The following COL21A1 variants were observed in gnomAD, a reference collection of about 807,000 sequenced individuals.
The protein encoded by COL21A1 is collagen type XXI alpha 1 chain, also known as collagen alpha-1(XXI) chain.
A neutral mutation model predicts 137.9 loss-of-function variants in COL21A1; 149 were observed. The observed-to-expected ratio is 1.08, with a 90% CI of 0.95 to 1.24. COL21A1 has a LOEUF of 1.24. COL21A1 is among the 50% of genes most tolerant of loss of function. The pLI is 0.00. For synonymous variants in COL21A1, 456 were observed against 391.5 expected (o/e 1.16, Z -1.95); for missense variants, 1,167 against 1,158.4 (o/e 1.01, Z -0.11).
chr6:56,116,737 T>C (rs1771967656), intron 16 of COL21A1, among the ~76,000 whole-genome samples: 1 of 151,854 alleles, frequency 6.6e-6, no homozygotes. Flanking sequence ...AAATAATAAC[T>C]ATAACAACTT....
At chr6:56,280,435 G>A (rs905191537) in intron 1 of COL21A1, among the ~76,000 whole-genome samples, 1 of 152,058 alleles carries the variant, frequency 6.6e-6, no homozygotes, top group African/African-American at 2.4e-5. Context: ...ATCACTCATG[G>A]AGCCTCCACT....
At chr6:56,341,789 G>C (rs897847757) in intron 1 of COL21A1, among the ~76,000 whole-genome samples, 2 of 152,194 alleles carry the variant, frequency 1.3e-5, no homozygotes, top group African/African-American at 4.8e-5. Context: ...GGTGCAGGCA[G>C]TTGATAGTGA....
At chr6:56,377,783 C>A (rs1049494882) in intron 1 of COL21A1, among the ~76,000 whole-genome samples, 5 of 149,114 alleles carry the variant, frequency 3.4e-5, no homozygotes, top group Non-Finnish European at 1.5e-5. Flanking sequence ...TAATTCCAGG[C>A]TGCACAGTTT....
At chr6:56,341,704 G>C (rs1455730180) in intron 1 of COL21A1, among the ~76,000 whole-genome samples, 3 of 152,162 alleles carry the variant, frequency 2.0e-5, no homozygotes, top group Non-Finnish European at 4.4e-5. Context: ...GCAACACCAA[G>C]AGTGAACCCC....
At chr6:56,321,622 C>T (rs992313213) in intron 1 of COL21A1, among the ~76,000 whole-genome samples, 2 of 152,154 alleles carry the variant, frequency 1.3e-5, no homozygotes, top group African/African-American at 4.8e-5. Flanking sequence ...ATGGAAACAA[C>T]TCACCACATC....
At chr6:56,324,436 A>C (rs893017660) in intron 1 of COL21A1, among the ~76,000 whole-genome samples, 1 of 152,110 alleles carries the variant, frequency 6.6e-6, no homozygotes, top group African/African-American at 2.4e-5. Context: ...TCCAGTGAGC[A>C]GCCTGTGTGT....
At chr6:56,159,056 T>C (rs1322055035) in intron 9 of COL21A1, among the ~76,000 whole-genome samples, 2 of 152,186 alleles carry the variant, frequency 1.3e-5, no homozygotes, top group African/African-American at 4.8e-5. Flanking sequence ...CCTGCCATCC[T>C]TCCTTATCCA....
intron 1 of COL21A1, among the ~76,000 whole-genome samples, chr6:56,283,375 G>A (rs1229710936): frequency 6.6e-6 from 1 of 151,892 alleles, no homozygotes; most frequent in Non-Finnish European, 1.5e-5. Flanking sequence ...TAAAGGTTAA[G>A]AGAAAAAAGG....
chr6:56,343,707 C>A (rs1351480474), intron 1 of COL21A1, among the ~76,000 whole-genome samples: 2 of 152,100 alleles, frequency 1.3e-5, no homozygotes, highest in East Asian at 1.9e-4. Flanking sequence ...TTGGGAAGCC[C>A]AGGCAGGAGG....
chr6:56,150,271 C>T (rs755948538), intron 10 of COL21A1, among the ~76,000 whole-genome samples: 3 of 151,982 alleles, frequency 2.0e-5, no homozygotes, highest in Non-Finnish European at 4.4e-5. Flanking sequence ...TGTAATCCCA[C>T]TCTTTGGGAG....
chr6:56,259,182 C>T (rs1763188891), intron 1 of COL21A1, among the ~76,000 whole-genome samples: 1 of 152,168 alleles, frequency 6.6e-6, no homozygotes, highest in Non-Finnish European at 1.5e-5. Context: ...TCTAGCATCC[C>T]TCAAAGCATT....
At chr6:56,090,474 G>A (rs1768697266) in intron 17 of COL21A1, among the ~76,000 whole-genome samples, 1 of 152,012 alleles carries the variant, frequency 6.6e-6, no homozygotes, top group Non-Finnish European at 1.5e-5. Context: ...TTGTGTGTGA[G>A]GTCAAAATTA....
Position 56,067,296 on chromosome 6 carries a change from T to C in COL21A1, c.2126A>G (p.Gln709Arg), listed in dbSNP as rs1582231015. The change falls in exon 23 of 30, where the codon CAG becomes CGG. Residue 709 changes from glutamine (Q) to arginine (R), a missense_variant and splice_region_variant. By Grantham distance (43) the Gln-to-Arg change is conservative. Transcript: ENST00000244728. ...ACTAAAAAAAAGCAAACAACATACC[T>C]GAATACCTTTTTCACCTTGATTTCC... The part of the protein sequence containing the change: ...DKGNQGEKGI[Q>R]GQKGENGRQG... The C allele has an allele frequency of 1.9e-6, 3 of 1,608,602 alleles. No individual in the cohort carries two copies. The highest frequency in any genetic ancestry group is 2.5e-6 in the Non-Finnish European group (3 of 1,176,478).
At chr6:56,296,510 T>A (rs746769965) in intron 1 of COL21A1, among the ~76,000 whole-genome samples, 1 of 151,966 alleles carries the variant, frequency 6.6e-6, no homozygotes, top group Non-Finnish European at 1.5e-5. Context: ...ACGTTCCCTC[T>A]CATTTTCTCT....
At chr6:56,083,712 A>G (rs1421748556) in intron 17 of COL21A1, among the ~76,000 whole-genome samples, 2 of 151,966 alleles carry the variant, frequency 1.3e-5, no homozygotes, top group African/African-American at 4.8e-5. Context: ...TTATGAAGCT[A>G]CTAATACTAA....
intron 9 of COL21A1, among the ~76,000 whole-genome samples, chr6:56,158,246 G>GTTTT (rs1267308023): frequency 1.0e-5 from 1 of 98,994 alleles, no homozygotes; most frequent in African/African-American, 3.9e-5. Context: ...TCACTCGTGG[G>GTTTT]TTTTTTCTTT....
chr6:56,105,877 C>G (rs1384306805), intron 16 of COL21A1, among the ~76,000 whole-genome samples: 1 of 152,114 alleles, frequency 6.6e-6, no homozygotes, highest in Non-Finnish European at 1.5e-5. Context: ...GCTTAAATAC[C>G]ACATTTAATT....
At position 56,283,024 on chromosome 6, in the gene COL21A1, G is replaced by A. The variant is rs547115303; in HGVS notation, c.-38-100368C>T. ...TTGAAGGAACTTCTATTACAATAAT[G>A]AGATGTTATAGAAATATGTATGCAA... is the stretch of plus-strand genomic sequence containing the variant. On this transcript the variant is annotated intron_variant, in intron 1 of 28. Coordinates refer to the COL21A1 transcript ENST00000370819. Among the ~76,000 whole-genome samples, 3 of 152,242 alleles carry A rather than the reference G, an allele frequency of 2.0e-5. No individual in the cohort carries two copies. In the East Asian group the frequency reaches 5.8e-4, roughly 29 times the overall value.
At chr6:56,168,783 G>A (rs1334463108) in intron 5 of COL21A1, among the ~76,000 whole-genome samples, 2 of 151,666 alleles carry the variant, frequency 1.3e-5, no homozygotes. Flanking sequence ...TTTAATGAGG[G>A]CATTACTCAT....
Sources: gnomAD v4.1 joint callset for allele counts (sites outside exome capture counted in the v4.1 genomes callset) on GRCh38, gnomAD v4.1.1 for gene constraint, MANE v1.5 for transcripts, NCBI Gene and HGNC (gene_info 2026-07-23, HGNC 2026-07-21) for gene names.